SMG1: variants seen among roughly 807,000 people sequenced by gnomAD.
SMG1 encodes SMG1 nonsense mediated mRNA decay associated PI3K related kinase.
A neutral mutation model predicts 419.9 loss-of-function variants in SMG1; 22 were observed. That is an observed-to-expected ratio of 0.05 (90% CI 0.04 to 0.07). The LOEUF (loss-of-function observed/expected upper bound fraction) is 0.07, where lower values mean the gene tolerates loss of function less well. Ranked by LOEUF, SMG1 falls within the 10% of genes least tolerant of loss-of-function variation. The probability of loss-of-function intolerance (pLI) is 1.00; values close to 1 mark genes in which losing one functional copy is unlikely to be tolerated. For synonymous variants in SMG1, 1,538 were observed against 1,553.5 expected (o/e 0.99, Z 0.23); for missense variants, 3,185 against 4,342.0 (o/e 0.73, Z 7.49).
In SMG1 at chr16:18,844,195, G is replaced by A. The variant is rs570137279; in HGVS notation, c.6219+1234C>T. On this transcript the variant is annotated intron_variant, in intron 39 of 62. Transcript: ENST00000446231. ...TGTAATCCCAGCACTTTGGGAGGCC[G>A]AGGAGGGTGGATCACTTGAGGCCAG... Among the ~76,000 whole-genome samples, 5 of 152,104 alleles carry A rather than the reference G, an allele frequency of 3.3e-5. No homozygotes were observed. In the East Asian group the frequency reaches 5.8e-4, roughly 18 times the overall value.
chr16:18,812,939 G>A (rs1044280340), intron 60 of SMG1, among the ~76,000 whole-genome samples: 3 of 151,948 alleles, frequency 2.0e-5, no homozygotes, highest in African/African-American at 2.4e-5. Context: ...TTGTCCCTGC[G>A]ATAGTTTGCT....
chr16:18,891,557 C>T (rs965044459), intron 4 of SMG1, among the ~76,000 whole-genome samples: 1 of 151,980 alleles, frequency 6.6e-6, no homozygotes, highest in Non-Finnish European at 1.5e-5. Context: ...TGCTCAGCCT[C>T]CCATGTAGCT....
chr16:18,918,958 C>T (rs2038082511), intron 1 of SMG1, among the ~76,000 whole-genome samples: 1 of 152,188 alleles, frequency 6.6e-6, no homozygotes, highest in Non-Finnish European at 1.5e-5. Flanking sequence ...ATGCTCTCCC[C>T]TTTACAAAGC....
chr16:18,842,196 C>T lies in SMG1; in HGVS notation c.6466+12G>A, dbSNP rs768556198. 6.2e-7 allele frequency: 1 copy of T among 1,606,440 alleles called. No individual in the cohort carries two copies. Among genetic ancestry groups the T allele is most frequent in the Non-Finnish European group, 8.5e-7 (1 of 1,175,820 alleles). ...TACTCTTCTGAAAAATGGAGGAAGT[C>T]TTAAATCCTACCTTTGAAAAGATAA... On this transcript the variant is annotated intron_variant, in intron 40 of 62. Coordinates refer to ENST00000446231, the MANE Select transcript of SMG1 (RefSeq NM_015092.5).
chr16:18,821,053 A>C (rs551732059), intron 55 of SMG1, among the ~76,000 whole-genome samples: 154 of 152,296 alleles, frequency 1.0e-3, no homozygotes, highest in African/African-American at 3.6e-3. Context: ...CAACATAAGA[A>C]ATGCCCATGC....
chr16:18,872,737 A>G, intron 13 of SMG1, 113 bp from the exon 14 acceptor site: 1 of 979,680 alleles, frequency 1.0e-6, no homozygotes, highest in Admixed American at 2.7e-5. Context: ...AAAATTACAG[A>G]CTGCAAGGGA....
At chr16:18,846,760 T>G (rs575702038) in intron 38 of SMG1, among the ~76,000 whole-genome samples, 1 of 152,346 alleles carries the variant, frequency 6.6e-6, no homozygotes, top group South Asian at 2.1e-4. Context: ...GGAACCCTCA[T>G]GCATGGCTAG....
In SMG1 at chr16:18,877,127, T is replaced by G; in HGVS notation, c.1620+4A>C. On this transcript the variant is annotated splice_donor_region_variant and intron_variant, in intron 12 of 62. Coordinates refer to ENST00000446231, the MANE Select transcript of SMG1 (RefSeq NM_015092.5). ...TCAAAATTCATTATCAATGTATTACTTACCTCTTTTTCTTTATGATAACGC... is the reference window on the plus strand; with the variant it reads ...TCAAAATTCATTATCAATGTATTACGTACCTCTTTTTCTTTATGATAACGC... The G allele has an allele frequency of 6.5e-7, 1 of 1,535,850 alleles. No homozygotes were observed. Among genetic ancestry groups the G allele is most frequent in the African/African-American group, 1.4e-5 (1 of 73,918 alleles).
chr16:18,859,548 A>G lies in SMG1; in HGVS notation c.3953+8T>C, dbSNP rs546194980. 1.3e-6 allele frequency: 2 copies of G among 1,485,584 alleles called. No homozygotes were observed. Among genetic ancestry groups the G allele is most frequent in the African/African-American group, 1.4e-5 (1 of 72,174 alleles). 92.0% of individuals were successfully genotyped at this position (1,485,584 alleles called of 1,614,324 possible). ...AATGTACATTTACCTCCGTAAGAGT[A>G]AACTTACTCAGTTATAGACTGCCAC... On this transcript the variant is annotated splice_region_variant and intron_variant, in intron 27 of 62. Transcript: ENST00000446231.
intron 6 of SMG1, among the ~76,000 whole-genome samples, chr16:18,886,498 A>G (rs1444690451): frequency 6.6e-6 from 1 of 152,230 alleles, no homozygotes; most frequent in African/African-American, 2.4e-5. Context: ...AAGAAATGCT[A>G]GAATCAGAAA....
At chr16:18,835,254 A>T (rs2033482933) in intron 48 of SMG1, 90 bp from the exon 49 acceptor site, 1 of 1,293,498 alleles carries the variant, frequency 7.7e-7, no homozygotes, top group African/African-American at 1.5e-5. Context: ...ACAAAACTTG[A>T]AGAGTAGAAA....
At chr16:18,829,874 C>A in intron 53 of SMG1, 52 bp downstream of exon 53, 1 of 1,459,046 alleles carries the variant, frequency 6.9e-7, no homozygotes, top group South Asian at 1.4e-5. Flanking sequence ...ATCCTGCCCC[C>A]TTCCATAGTG....
In SMG1 at chr16:18,850,380, T is replaced by C. The variant is rs776008424; in HGVS notation, c.5140A>G (p.Ser1714Gly). The change falls in exon 34 of 63, where the codon AGC becomes GGC. Residue 1714 changes from serine (S) to glycine (G), a missense_variant. This residue lies in a region of SMG1 where 493 missense variants were observed against 552.9 expected (regional missense o/e 0.89). Transcript: ENST00000446231. ...VDVIWRQLISSCPWLSELDES... is the reference protein window; with the variant it reads ...VDVIWRQLISGCPWLSELDES... ...TCAAGTTCTGAAAGCCATGGGCAGC[T>C]TGATATCAACTGACGCCAGATAACA... 12 of 1,613,884 alleles carry C rather than the reference T, an allele frequency of 7.4e-6. No homozygotes were observed. The highest frequency in any genetic ancestry group is 8.5e-6 in the Non-Finnish European group (10 of 1,179,898).
At chr16:18,894,108 C>A (rs1291163339) in intron 3 of SMG1, among the ~76,000 whole-genome samples, 3 of 151,662 alleles carry the variant, frequency 2.0e-5, no homozygotes, top group Non-Finnish European at 4.4e-5. Flanking sequence ...AGGGGAACAA[C>A]ACACACTGGA....
At chr16:18,867,988 G>A (rs1325020037) in intron 22 of SMG1, among the ~76,000 whole-genome samples, 1 of 152,116 alleles carries the variant, frequency 6.6e-6, no homozygotes, top group African/African-American at 2.4e-5. Flanking sequence ...GATTACAGGC[G>A]TGAGCCACCG....
At chr16:18,835,279 T>G in intron 48 of SMG1, 115 bp from the exon 49 acceptor site, 1 of 1,124,684 alleles carries the variant, frequency 8.9e-7, no homozygotes, top group Non-Finnish European at 1.2e-6. Context: ...TATTTACATT[T>G]TACAGATAAA....
At chr16:18,885,485 A>G (rs2036574670) in intron 7 of SMG1, 56 bp downstream of exon 7, 33 of 1,586,666 alleles carry the variant, frequency 2.1e-5, no homozygotes, top group Non-Finnish European at 2.6e-5. Flanking sequence ...TCAGATCCTC[A>G]CACACACAAC....
chr16:18,843,353 C>T (rs1276544660), intron 39 of SMG1, among the ~76,000 whole-genome samples: 1 of 152,154 alleles, frequency 6.6e-6, no homozygotes, highest in Non-Finnish European at 1.5e-5. Context: ...TAGGTCTGAC[C>T]ACTTGAGGTT....
chr16:18,840,133 A>C (rs930657951), intron 41 of SMG1, among the ~76,000 whole-genome samples, 187 bp from the exon 42 acceptor site: 2 of 151,940 alleles, frequency 1.3e-5, no homozygotes, highest in Admixed American at 1.3e-4. Context: ...TTCTTATGAT[A>C]TATACCTTTT....
Sources: gnomAD v4.1 joint callset for allele counts (sites outside exome capture counted in the v4.1 genomes callset) on GRCh38, gnomAD v4.1.1 for gene constraint, gnomAD v4.1.1 regional missense constraint, MANE v1.5 for transcripts, NCBI Gene and HGNC (gene_info 2026-07-23, HGNC 2026-07-21) for gene names.